The following RAPGEF5 variants were observed in gnomAD, a reference collection of about 807,000 sequenced individuals.
The protein encoded by RAPGEF5 is M-Ras-regulated GEF.
A neutral mutation model predicts 125.2 loss-of-function variants in RAPGEF5; 65 were observed. That is an observed-to-expected ratio of 0.52 (90% CI 0.43 to 0.64). The LOEUF (loss-of-function observed/expected upper bound fraction) is 0.64. Ranked by LOEUF, RAPGEF5 falls within the 30% of genes least tolerant of loss-of-function variation. The pLI, the probability that RAPGEF5 is intolerant of heterozygous loss-of-function variation, is 0.00. For missense variants in RAPGEF5, 958 were observed against 1,048.1 expected, an observed-to-expected ratio of 0.91 and a Z score of 1.19; for synonymous variants, 391 against 385.9, an observed-to-expected ratio of 1.01 and a Z score of -0.16.
chr7:22,209,067 A>T (rs1162916394), intron 9 of RAPGEF5, among the ~76,000 whole-genome samples: 1 of 152,204 alleles, frequency 6.6e-6, no homozygotes, highest in African/African-American at 2.4e-5. Context: ...AAGGAGAGGA[A>T]CTTAGATTTA....
At position 22,357,043 on chromosome 7, in the gene RAPGEF5, G is replaced by C. The variant is rs1168906704; in HGVS notation, c.18C>G (p.Gly6=). The change falls in exon 1 of 26, where the codon GGC becomes GGG. Residue 6 remains glycine (G), a synonymous_variant. Coordinates refer to ENST00000665637, the MANE Select transcript of RAPGEF5 (RefSeq NM_012294.5). MRMAV[G]SVKMQPPCES... is the part of the protein sequence containing the mutation. Reference sequence around the variant, plus strand: ...CGCACGGCGGCTGCATCTTGACGGAGCCCACGGCCATCCTCATGCCCTGAC... The same window carrying C: ...CGCACGGCGGCTGCATCTTGACGGACCCCACGGCCATCCTCATGCCCTGAC... 3 of 1,035,760 alleles carry C rather than the reference G, an allele frequency of 2.9e-6. No homozygotes were observed. Among genetic ancestry groups the C allele is most frequent in the Non-Finnish European group, 3.5e-6 (3 of 864,326 alleles). The allele number at this position is 1,035,760 out of a possible 1,614,324, so 64.2% of individuals were successfully genotyped here.
intron 11 of RAPGEF5, among the ~76,000 whole-genome samples, chr7:22,184,997 A>G (rs1784786217): frequency 6.6e-6 from 1 of 152,130 alleles, no homozygotes; most frequent in Non-Finnish European, 1.5e-5. Context: ...TTCTGCTCAC[A>G]GCTGGAATCC....
intron 6 of RAPGEF5, among the ~76,000 whole-genome samples, chr7:22,277,469 A>G (rs918768802): frequency 6.6e-6 from 1 of 152,190 alleles, no homozygotes; most frequent in Non-Finnish European, 1.5e-5. Flanking sequence ...ATAGGTCAAA[A>G]GTCCAGTTAC....
chr7:22,341,645 G>T (rs900512575), intron 1 of RAPGEF5, among the ~76,000 whole-genome samples: 4 of 152,198 alleles, frequency 2.6e-5, no homozygotes, highest in African/African-American at 9.7e-5. Flanking sequence ...TTCCAAATGG[G>T]AGAATTGGCC....
intron 5 of RAPGEF5, among the ~76,000 whole-genome samples, chr7:22,301,408 G>A (rs148519581): frequency 0.013 from 1,932 of 152,258 alleles, 36 homozygotes; most frequent in African/African-American, 0.044. Context: ...AAGGTCAGGA[G>A]ATCGAGACCA....
chr7:22,150,074 C>CTTT (rs71550462), intron 18 of RAPGEF5, among the ~76,000 whole-genome samples: 3 of 76,284 alleles, frequency 3.9e-5, no homozygotes, highest in Non-Finnish European at 5.0e-5. Context: ...ACGTGTGTTC[C>CTTT]TTTTTTTTTT....
intron 11 of RAPGEF5, among the ~76,000 whole-genome samples, chr7:22,169,616 A>G (rs530877737): frequency 2.0e-5 from 3 of 151,224 alleles, no homozygotes; most frequent in African/African-American, 7.3e-5. Context: ...GCACTTTGAG[A>G]GGCCAAGGTG....
intron 5 of RAPGEF5, among the ~76,000 whole-genome samples, chr7:22,302,295 G>A (rs556581134): frequency 2.4e-4 from 37 of 152,262 alleles, no homozygotes; most frequent in African/African-American, 8.2e-4. Flanking sequence ...GACAGAGAGG[G>A]GGCTGTTTCA....
At chr7:22,278,915 G>C (rs1222580031) in intron 6 of RAPGEF5, among the ~76,000 whole-genome samples, 1 of 151,926 alleles carries the variant, frequency 6.6e-6, no homozygotes, top group Non-Finnish European at 1.5e-5. Context: ...AACCTGCATA[G>C]ATAAGCTCTT....
chr7:22,133,381 G>C (rs1030365665), intron 23 of RAPGEF5, among the ~76,000 whole-genome samples: 1 of 152,134 alleles, frequency 6.6e-6, no homozygotes, highest in Admixed American at 6.5e-5. Context: ...ACAAATGAGA[G>C]GTTGGGCTGA....
At chr7:22,263,425 C>T (rs1782204653) in intron 7 of RAPGEF5, among the ~76,000 whole-genome samples, 3 of 152,072 alleles carry the variant, frequency 2.0e-5, no homozygotes, top group Admixed American at 6.6e-5. Context: ...ATCATATCTG[C>T]ATATTAATTT....
intron 9 of RAPGEF5, among the ~76,000 whole-genome samples, chr7:22,203,072 C>T: frequency 6.6e-6 from 1 of 152,084 alleles, no homozygotes; most frequent in East Asian, 1.9e-4. Flanking sequence ...TAAAAACACA[C>T]ACAAATAACA....
chr7:22,330,516 C>T (rs1194499100), intron 1 of RAPGEF5, among the ~76,000 whole-genome samples: 1 of 152,218 alleles, frequency 6.6e-6, no homozygotes, highest in Non-Finnish European at 1.5e-5. Flanking sequence ...GTAAAGGATA[C>T]AAACTAGGCT....
chr7:22,302,769 A>C (rs938480285), intron 5 of RAPGEF5, among the ~76,000 whole-genome samples: 560 of 101,406 alleles, frequency 5.5e-3, no homozygotes, highest in Middle Eastern at 0.012. Context: ...TCTTCCCCCC[A>C]CCCCACCCCC....
At chr7:22,232,473 C>T (rs920644143) in intron 7 of RAPGEF5, among the ~76,000 whole-genome samples, 30 of 152,046 alleles carry the variant, frequency 2.0e-4, no homozygotes, top group African/African-American at 4.3e-4. Flanking sequence ...GCGTGCACTA[C>T]CATGCCCAGA....
chr7:22,190,458 G>C (rs985894806), intron 11 of RAPGEF5, among the ~76,000 whole-genome samples: 2 of 152,182 alleles, frequency 1.3e-5, no homozygotes, highest in Non-Finnish European at 2.9e-5. Context: ...TTGCTTTTAA[G>C]CATCTCTAGA....
At chr7:22,128,681 C>A (rs1004149184) in intron 24 of RAPGEF5, among the ~76,000 whole-genome samples, 2 of 152,110 alleles carry the variant, frequency 1.3e-5, no homozygotes, top group Non-Finnish European at 2.9e-5. Flanking sequence ...TTTATCCTGT[C>A]TACTCTGTGT....
At chr7:22,170,246 G>A (rs575748774) in intron 11 of RAPGEF5, among the ~76,000 whole-genome samples, 3 of 152,300 alleles carry the variant, frequency 2.0e-5, no homozygotes, top group Admixed American at 2.0e-4. Flanking sequence ...GTAGAGATGG[G>A]GTTTCACCAT....
intron 6 of RAPGEF5, among the ~76,000 whole-genome samples, chr7:22,282,516 A>G (rs1213273777): frequency 6.6e-6 from 1 of 152,228 alleles, no homozygotes; most frequent in Non-Finnish European, 1.5e-5. Flanking sequence ...GTTTTAAGTG[A>G]TGATAATGTG....
Sources: gnomAD v4.1 joint callset for allele counts (sites outside exome capture counted in the v4.1 genomes callset) on GRCh38, gnomAD v4.1.1 for gene constraint, MANE v1.5 for transcripts, NCBI Gene and HGNC (gene_info 2026-07-23, HGNC 2026-07-21) for gene names.